Variants in TTI2 observed in about 807,000 individuals in gnomAD.
The protein encoded by TTI2 is TELO2-interacting protein 2.
Under a neutral mutation model 44.9 loss-of-function variants are expected in TTI2, and 26 were observed. The ratio of observed to expected loss-of-function variants is 0.58; its 90% CI spans 0.42 to 0.80. The LOEUF (loss-of-function observed/expected upper bound fraction) is 0.80, where lower values mean the gene tolerates loss of function less well. Among genes scored for constraint, TTI2 ranks in the 30% least tolerant of loss-of-function variants. TTI2 has a pLI of 0.00. For missense variants in TTI2, 582 were observed against 611.6 expected (o/e 0.95, Z 0.51); for synonymous variants, 254 against 250.9 (o/e 1.01, Z -0.12).
chr8:33,500,578 A>G (rs762512533), intron 6 of TTI2, 88 bp from the exon 7 acceptor site: 361 of 1,492,266 alleles, frequency 2.4e-4, no homozygotes, highest in Non-Finnish European at 3.1e-4. Flanking sequence ...GTGGAAAGCT[A>G]TCATTTCCTA....
At chr8:33,507,988 CAA>C (rs35037238) in intron 3 of TTI2, among the ~76,000 whole-genome samples, 2,473 of 93,798 alleles carry the variant, frequency 0.026, 103 homozygotes, top group African/African-American at 0.092. Flanking sequence ...GACCCTGTCT[CAA>C]AAAAAAAAAA....
At chr8:33,502,265 C>T (rs983782931) in intron 6 of TTI2, among the ~76,000 whole-genome samples, 6 of 152,154 alleles carry the variant, frequency 3.9e-5, no homozygotes, top group Admixed American at 3.3e-4. Context: ...ATTCTGATCA[C>T]TGCTCTGCAG....
At chr8:33,510,754 A>G (rs866583112) in intron 2 of TTI2, among the ~76,000 whole-genome samples, 1 of 152,190 alleles carries the variant, frequency 6.6e-6, no homozygotes, top group Non-Finnish European at 1.5e-5. Flanking sequence ...CAACAAATAG[A>G]AGCACGAAAC....
Position 33,512,371 on chromosome 8 carries a change from T to C in TTI2, c.243A>G (p.Thr81=), listed in dbSNP as rs747247449. 1 of 1,614,234 alleles carries C rather than the reference T, an allele frequency of 6.2e-7. No individual in the cohort carries two copies. The highest frequency in any genetic ancestry group is 8.5e-7 in the Non-Finnish European group (1 of 1,180,044). The change falls in exon 2 of 8, where the codon ACA becomes ACG. Residue 81 remains threonine (T), a synonymous_variant. Transcript: ENST00000431156. Reference sequence around the variant, plus strand: ...CCAGGGCTTTTGCTACCTGCCCCAGTGTCTCCGGCATTCCGCGGAGCCGTG... The same window carrying C: ...CCAGGGCTTTTGCTACCTGCCCCAGCGTCTCCGGCATTCCGCGGAGCCGTG... ...TGARLRGMPE[T]LGQVAKALEK...
intron 3 of TTI2, among the ~76,000 whole-genome samples, chr8:33,507,654 A>C (rs745413045): frequency 9.2e-5 from 14 of 151,850 alleles, no homozygotes; most frequent in Non-Finnish European, 1.9e-4. Context: ...TCTTCCACCT[A>C]TCCATCCCCC....
intron 4 of TTI2, 49 bp from the exon 5 acceptor site, chr8:33,503,984 T>C (rs1809204807): frequency 2.5e-6 from 4 of 1,590,244 alleles, no homozygotes; most frequent in Non-Finnish European, 3.4e-6. Context: ...CATTTGCATT[T>C]ACAATACTCA....
chr8:33,500,300 A>G (rs13439524), intron 7 of TTI2, 28 bp downstream of exon 7: 52,946 of 1,613,560 alleles, frequency 0.033, 1,798 homozygotes, highest in African/African-American at 0.18. Context: ...ATGAGGCCCA[A>G]CTGAAACCAA....
rs149221412 is a variant in TTI2, at chr8:33,503,846, A to G, written c.1017T>C (p.Cys339=). ...KGDGARPTTH[C]DEVLRLILTH... is the part of the protein sequence containing the mutation. ...TCAGGATCAGCCGCAGGACCTCATC[A>G]CAATGGGTGGTGGGTCGAGCTCCAT... Residue 339 remains cysteine, a synonymous_variant, in exon 5 of 8, where the codon TGT becomes TGC. Coordinates refer to ENST00000431156, the MANE Select transcript of TTI2 (RefSeq NM_001102401.4). 1.5e-5 allele frequency: 25 copies of G among 1,614,054 alleles called. No homozygotes were observed. Among genetic ancestry groups the G allele is most frequent in the Non-Finnish European group, 2.0e-5 (24 of 1,180,042 alleles).
intron 4 of TTI2, among the ~76,000 whole-genome samples, 192 bp downstream of exon 4, chr8:33,507,037 C>A (rs530946776): frequency 6.6e-6 from 1 of 152,158 alleles, no homozygotes; most frequent in Non-Finnish European, 1.5e-5. Flanking sequence ...AAAACACTGT[C>A]TTATCTGTGG....
chr8:33,512,875 AG>A, intron 1 of TTI2, 163 bp from the exon 2 acceptor site: 32 of 198,274 alleles, frequency 1.6e-4, no homozygotes, highest in East Asian at 2.0e-4. Context: ...ACTCCGTCTC[AG>A]TAAAAAAAAA....
chr8:33,506,383 A>G (rs1809293261), intron 4 of TTI2, among the ~76,000 whole-genome samples: 1 of 143,708 alleles, frequency 7.0e-6, no homozygotes, highest in Non-Finnish European at 1.5e-5. Flanking sequence ...CCTCCAAAGT[A>G]ACGTACTTTT....
chr8:33,512,333 G>A lies in TTI2; in HGVS notation c.281C>T (p.Ala94Val), dbSNP rs1384453175. ...TCCACCTTCCTCCTCCTTGGAGGGG[G>A]CTGCATACTTCTCCAGGGCTTTTGC... ...QVAKALEKYA[A>V]PSKEEEGGGD... is the part of the protein sequence containing the mutation. Residue 94 changes from alanine to valine, a missense_variant, in exon 2 of 8, where the codon GCC becomes GTC. By Grantham distance (64) the Ala-to-Val change is moderately conservative. Transcript: ENST00000431156. 3 of 1,614,144 alleles carry A rather than the reference G, an allele frequency of 1.9e-6. No homozygotes were observed. Among genetic ancestry groups the A allele is most frequent in the African/African-American group, 2.7e-5 (2 of 75,014 alleles).
chr8:33,510,281 G>A (rs1050769478), intron 2 of TTI2, among the ~76,000 whole-genome samples: 2 of 152,180 alleles, frequency 1.3e-5, no homozygotes, highest in Non-Finnish European at 2.9e-5. Flanking sequence ...TTACACTAAG[G>A]AAACAAATGA....
At chr8:33,502,346 A>G (rs1207488670) in intron 6 of TTI2, among the ~76,000 whole-genome samples, 1 of 152,244 alleles carries the variant, frequency 6.6e-6, no homozygotes, top group Admixed American at 6.5e-5. Context: ...TAACAAAGTT[A>G]AGCAAATGTT....
intron 6 of TTI2, among the ~76,000 whole-genome samples, chr8:33,502,665 A>T (rs1809129137): frequency 6.6e-6 from 1 of 151,704 alleles, no homozygotes; most frequent in African/African-American, 2.4e-5. Flanking sequence ...TCTACTAAAA[A>T]TTTTTTAAAA....
intron 4 of TTI2, among the ~76,000 whole-genome samples, chr8:33,506,521 A>G (rs1359597544): frequency 6.6e-6 from 1 of 150,472 alleles, no homozygotes; most frequent in African/African-American, 2.5e-5. Flanking sequence ...CCTCCCGAGT[A>G]GCTGGGACTA....
intron 3 of TTI2, among the ~76,000 whole-genome samples, chr8:33,508,429 C>T (rs1218420431): frequency 1.3e-5 from 2 of 151,698 alleles, no homozygotes; most frequent in African/African-American, 4.8e-5. Flanking sequence ...TGGTGAGACC[C>T]TACCTCTACA....
At chr8:33,502,421 C>A (rs553590343) in intron 6 of TTI2, among the ~76,000 whole-genome samples, 1 of 152,158 alleles carries the variant, frequency 6.6e-6, no homozygotes, top group Admixed American at 6.5e-5. Context: ...GAGAGAGGTA[C>A]AACCTGTATG....
At chr8:33,500,516 T>TCA (rs759436077) in intron 6 of TTI2, 26 bp from the exon 7 acceptor site, 104 of 1,612,998 alleles carry the variant, frequency 6.4e-5, no homozygotes, top group Non-Finnish European at 8.7e-5. Context: ...AAAGCTATGT[T>TCA]CATACTCTAA....
Sources: allele counts gnomAD v4.1 joint callset (sites outside exome capture counted in the v4.1 genomes callset), GRCh38; gene constraint gnomAD v4.1.1; transcripts MANE v1.5; gene names NCBI Gene and HGNC (gene_info 2026-07-23, HGNC 2026-07-21).